Variants in RBM19 observed in about 807,000 individuals in gnomAD.
RBM19 encodes the protein RNA binding motif protein 19, also known as probable RNA-binding protein 19.
Under a neutral mutation model 116.8 loss-of-function variants are expected in RBM19, and 94 were observed. The ratio of observed to expected loss-of-function variants is 0.80; its 90% CI spans 0.68 to 0.95. The LOEUF (loss-of-function observed/expected upper bound fraction) is 0.95. Among genes scored for constraint, RBM19 ranks in the 40% least tolerant of loss-of-function variants. RBM19 has a pLI of 0.00. For synonymous variants in RBM19, 475 were observed against 494.1 expected, an observed-to-expected ratio of 0.96 and a Z score of 0.51; for missense variants, 1,161 against 1,220.7, an observed-to-expected ratio of 0.95 and a Z score of 0.73.
At chr12:113,924,109 G>A (rs1868842949) in intron 18 of RBM19, among the ~76,000 whole-genome samples, 2 of 152,248 alleles carry the variant, frequency 1.3e-5, no homozygotes, top group African/African-American at 2.4e-5. Context: ...CTGGAGCCCA[G>A]CAGAGGCCAG....
chr12:113,889,725 C>T (rs981541561), intron 21 of RBM19, among the ~76,000 whole-genome samples: 5 of 151,854 alleles, frequency 3.3e-5, no homozygotes, highest in Non-Finnish European at 2.9e-5. Flanking sequence ...GAATTTTAAA[C>T]TGCTTAGGTG....
chr12:113,911,431 GGACCTTCAAGGCTTCA>G (rs1882421101), intron 21 of RBM19, among the ~76,000 whole-genome samples: 1 of 152,176 alleles, frequency 6.6e-6, no homozygotes. Flanking sequence ...ACGCTGCCCA[GGACCTTCAAGGCTTCA>G]GCACTGCCGT....
intron 23 of RBM19, among the ~76,000 whole-genome samples, chr12:113,831,778 C>A (rs774230299): frequency 6.6e-6 from 1 of 152,152 alleles, no homozygotes; most frequent in Non-Finnish European, 1.5e-5. Flanking sequence ...GGGATATTGC[C>A]GAAGCACTTG....
At chr12:113,952,244 G>A (rs762943158) in intron 8 of RBM19, among the ~76,000 whole-genome samples, 7 of 152,166 alleles carry the variant, frequency 4.6e-5, no homozygotes, top group Admixed American at 2.6e-4. Flanking sequence ...AGCGTAATAG[G>A]TGAGCCCACT....
rs1593557997 is a variant in RBM19 at position 113,903,259 on chromosome 12, CCA to C, written c.2558+11708_2558+11709del. Reference sequence around the variant, plus strand: ...GGTGCAGAATCTGTGGATGTGGAACCCACAGATACAGAATCATAGGATACGTG... The same window carrying C: ...GGTGCAGAATCTGTGGATGTGGAACCCAGATACAGAATCATAGGATACGTG... On this transcript the variant is annotated intron_variant, in intron 21 of 23. Transcript: ENST00000261741. This position sits in a 1 kb window ranked among gnomAD's most constrained non-coding sequence, Gnocchi z 5.1. Among the ~76,000 whole-genome samples, 6 of 152,320 alleles carry C rather than the reference CCA, an allele frequency of 3.9e-5. No homozygotes were observed. The East Asian group carries it at 1.2e-3, about 29-fold the overall frequency.
intron 17 of RBM19, among the ~76,000 whole-genome samples, chr12:113,925,360 T>G (rs7975774): frequency 6.6e-6 from 1 of 152,146 alleles, no homozygotes; most frequent in African/African-American, 2.4e-5. Context: ...AGCAGCTGCT[T>G]ACTGACTCTT....
intron 21 of RBM19, among the ~76,000 whole-genome samples, chr12:113,902,756 C>G (rs1371498843): frequency 6.6e-6 from 1 of 152,100 alleles, no homozygotes; most frequent in Non-Finnish European, 1.5e-5. Flanking sequence ...GAGCAGCATC[C>G]CATGTCTTGA....
chr12:113,896,788 C>T (rs539598911), intron 21 of RBM19, among the ~76,000 whole-genome samples: 1 of 152,278 alleles, frequency 6.6e-6, no homozygotes, highest in East Asian at 1.9e-4. Flanking sequence ...GCCTTTCTGG[C>T]TCTATTACAA....
intron 21 of RBM19, among the ~76,000 whole-genome samples, chr12:113,877,980 A>G (rs997482884): frequency 1.1e-4 from 16 of 152,194 alleles, no homozygotes; most frequent in Non-Finnish European, 2.1e-4. Flanking sequence ...GGCCTACTAA[A>G]TATTTGGGGT....
intron 21 of RBM19, among the ~76,000 whole-genome samples, chr12:113,904,698 C>A (rs1021531424): frequency 6.6e-6 from 1 of 152,168 alleles, no homozygotes; most frequent in Non-Finnish European, 1.5e-5. Context: ...CATAGACACA[C>A]GGCCAGATGG....
chr12:113,950,340 C>T (rs1293112022), intron 8 of RBM19, among the ~76,000 whole-genome samples, 186 bp from the exon 9 acceptor site: 4 of 152,184 alleles, frequency 2.6e-5, no homozygotes, highest in African/African-American at 4.8e-5. Flanking sequence ...TTTCCCTCTG[C>T]AGGGAGTGTA....
Position 113,952,594 on chromosome 12 carries a change from TGAG to T in RBM19, c.922-7_922-5del. ...CCAGGAATTCCATAACATTTTTCTG[TGAG>T]AAGAAGTTTTTTTCCCCTTACCAAC... is the stretch of plus-strand genomic sequence containing the variant. On this transcript the variant is annotated splice_polypyrimidine_tract_variant and splice_region_variant and intron_variant, in intron 7 of 23. Transcript: ENST00000261741. 1.9e-6 allele frequency: 3 copies of T among 1,613,448 alleles called. No individual in the cohort carries two copies. Among genetic ancestry groups the T allele is most frequent in the Non-Finnish European group, 2.5e-6 (3 of 1,179,450 alleles).
chr12:113,909,357 A>T (rs1441034450), intron 21 of RBM19, among the ~76,000 whole-genome samples: 1,824 of 152,228 alleles, frequency 0.012, 12 homozygotes, highest in South Asian at 0.022. Flanking sequence ...CTAGCTTCAA[A>T]GGATCCTCCT....
In RBM19 at chr12:113,959,851, C is replaced by A; in HGVS notation, c.378+14G>T. 6.2e-7 allele frequency: 1 copy of A among 1,614,064 alleles called. No individual in the cohort carries two copies. The highest frequency in any genetic ancestry group is 1.1e-5 in the South Asian group (1 of 91,074). On this transcript the variant is annotated intron_variant, in intron 4 of 23. Transcript: ENST00000261741. ...CCCACCCTCTCTCCTCCTTGGGCAACAGGACAGACTCACCTTCTCCAGTTG... is the reference window on the plus strand; with the variant it reads ...CCCACCCTCTCTCCTCCTTGGGCAAAAGGACAGACTCACCTTCTCCAGTTG...
intron 21 of RBM19, among the ~76,000 whole-genome samples, chr12:113,895,142 A>G (rs1206660154): frequency 6.6e-6 from 1 of 151,902 alleles, no homozygotes; most frequent in East Asian, 1.9e-4. Context: ...TTTCAATTAC[A>G]CTCCATCGAG....
At chr12:113,828,162 A>G (rs1390416979) in intron 23 of RBM19, among the ~76,000 whole-genome samples, 1 of 150,694 alleles carries the variant, frequency 6.6e-6, no homozygotes, top group Non-Finnish European at 1.5e-5. Context: ...CTGTGGGCCC[A>G]CAGAAGAGTG....
At chr12:113,862,872 T>C (rs1404582867) in intron 21 of RBM19, among the ~76,000 whole-genome samples, 1 of 152,126 alleles carries the variant, frequency 6.6e-6, no homozygotes, top group African/African-American at 2.4e-5. Flanking sequence ...CCCACCAGGC[T>C]CACACTTCGG....
chr12:113,947,866 TC>T (rs201449531), intron 10 of RBM19, among the ~76,000 whole-genome samples: 1 of 146,014 alleles, frequency 6.8e-6, no homozygotes, highest in African/African-American at 2.7e-5. Context: ...TGGTTTCAAC[TC>T]TGAATGCCAG....
At chr12:113,851,040 C>T (rs1877407081) in intron 22 of RBM19, among the ~76,000 whole-genome samples, 1 of 152,164 alleles carries the variant, frequency 6.6e-6, no homozygotes, top group Non-Finnish European at 1.5e-5. Flanking sequence ...TCCCAAGGCT[C>T]CCACTGTCCT....
Sources: allele counts gnomAD v4.1 joint callset (sites outside exome capture counted in the v4.1 genomes callset), GRCh38; gene constraint gnomAD v4.1.1; non-coding constraint Gnocchi (gnomAD v3.1); transcripts MANE v1.5; gene names NCBI Gene and HGNC (gene_info 2026-07-23, HGNC 2026-07-21).